CCDC171: variants seen among roughly 807,000 people sequenced by gnomAD.
CCDC171 encodes the protein coiled-coil domain containing 171.
Under a neutral mutation model 168.2 loss-of-function variants are expected in CCDC171, and 177 were observed. The observed-to-expected ratio is 1.05, with a 90% CI of 0.93 to 1.19. The LOEUF is 1.19. Among genes scored for constraint, CCDC171 ranks in the 50% most tolerant of loss-of-function variants. The pLI, the probability that CCDC171 is intolerant of heterozygous loss-of-function variation, is 0.00. For missense variants in CCDC171, 1,991 were observed against 1,539.0 expected, an observed-to-expected ratio of 1.29 and a Z score of -4.91; for synonymous variants, 687 against 540.8, an observed-to-expected ratio of 1.27 and a Z score of -3.75.
intron 7 of CCDC171, among the ~76,000 whole-genome samples, chr9:15,634,731 C>G (rs761306967): frequency 1.3e-5 from 2 of 152,176 alleles, no homozygotes; most frequent in East Asian, 1.9e-4. Context: ...CATTGTGCAA[C>G]CATTACTATA....
chr9:15,908,127 C>G (rs1237041829), intron 24 of CCDC171, among the ~76,000 whole-genome samples: 1 of 151,494 alleles, frequency 6.6e-6, no homozygotes, highest in Non-Finnish European at 1.5e-5. Context: ...ACTAGAAATA[C>G]CATTTGACCC....
chr9:15,974,257 T>G (rs1031436728), downstream of CCDC171, among the ~76,000 whole-genome samples: 1 of 151,996 alleles, frequency 6.6e-6, no homozygotes, highest in Non-Finnish European at 1.5e-5. Context: ...TTCCCAGAAG[T>G]CAGACCCAGC....
At chr9:15,564,381 C>G (rs906657662) in intron 2 of CCDC171, among the ~76,000 whole-genome samples, 2 of 152,230 alleles carry the variant, frequency 1.3e-5, no homozygotes, top group Non-Finnish European at 2.9e-5. Flanking sequence ...TGTCCTGTTA[C>G]TAGAGACTTG....
intron 3 of CCDC171, among the ~76,000 whole-genome samples, chr9:15,992,804 A>C (rs1275054156): frequency 6.6e-6 from 1 of 152,204 alleles, no homozygotes; most frequent in Non-Finnish European, 1.5e-5. Context: ...CCAATAACGG[A>C]CAAACAGAGA....
At chr9:15,651,079 T>A (rs1442095006) in intron 7 of CCDC171, among the ~76,000 whole-genome samples, 1 of 151,952 alleles carries the variant, frequency 6.6e-6, no homozygotes, top group Non-Finnish European at 1.5e-5. Context: ...TCCTTGAGAT[T>A]AACTTTTTTT....
rs974429370 is a variant in CCDC171, at chr9:15,917,143, A to G, written c.3601-3127A>G. Among the ~76,000 whole-genome samples, 4 of 152,018 alleles carry G rather than the reference A, an allele frequency of 2.6e-5. No homozygotes were observed. The East Asian group carries it at 7.7e-4, about 29-fold the overall frequency. Reference sequence around the variant, plus strand: ...TTAAGGAGTTGAATTTTTCATTGGTATGCTTTACTGTATAGTTTGAATCAC... The same window carrying G: ...TTAAGGAGTTGAATTTTTCATTGGTGTGCTTTACTGTATAGTTTGAATCAC... On this transcript the variant is annotated intron_variant, in intron 24 of 25. Coordinates refer to ENST00000380701, the MANE Select transcript of CCDC171 (RefSeq NM_173550.4).
intron 9 of CCDC171, among the ~76,000 whole-genome samples, chr9:15,677,393 C>G (rs117599144): frequency 0.016 from 2,392 of 152,114 alleles, 43 homozygotes; most frequent in Non-Finnish European, 0.024. Context: ...TGTTCCACCC[C>G]AGAGAAAATA....
At chr9:15,856,991 G>A (rs1455871334) in intron 23 of CCDC171, among the ~76,000 whole-genome samples, 1 of 151,896 alleles carries the variant, frequency 6.6e-6, no homozygotes, top group African/African-American at 2.4e-5. Context: ...ATACCTGTTT[G>A]ACCATTTGTA....
Position 16,009,202 on chromosome 9 carries a change from A to G in CCDC171, n.369-11387A>G, listed in dbSNP as rs557693343. Among the ~76,000 whole-genome samples the G allele has an allele frequency of 1.1e-4, 17 of 152,286 alleles. No homozygotes were observed. The South Asian group carries it at 2.7e-3, about 24-fold the overall frequency. ...TACTTTGTAGAACTAAGAAGCTCAC[A>G]AAAATGTCCTTTCAAACTAGAGTGG... is the stretch of plus-strand genomic sequence containing the variant. On this transcript the variant is annotated intron_variant and non_coding_transcript_variant, in intron 3 of 9. Transcript: ENST00000486641.
chr9:16,054,197 A>G (rs1833797019), intron 1 of CCDC171, among the ~76,000 whole-genome samples: 1 of 152,158 alleles, frequency 6.6e-6, no homozygotes, highest in African/African-American at 2.4e-5. Flanking sequence ...GAGCGAAGGG[A>G]GTTGCCCATT....
chr9:16,048,960 A>C (rs868285462), intron 1 of CCDC171, among the ~76,000 whole-genome samples: 1 of 151,704 alleles, frequency 6.6e-6, no homozygotes. Context: ...AAAAAAAAAA[A>C]AAACCCAAAC....
intron 3 of CCDC171, among the ~76,000 whole-genome samples, chr9:15,995,007 A>T (rs1036750446): frequency 6.6e-6 from 1 of 152,212 alleles, no homozygotes; most frequent in Non-Finnish European, 1.5e-5. Context: ...TGTGCCAGGC[A>T]TGCCCAGCTG....
At chr9:15,759,402 C>G (rs1056939507) in intron 18 of CCDC171, among the ~76,000 whole-genome samples, 1 of 151,994 alleles carries the variant, frequency 6.6e-6, no homozygotes, top group Non-Finnish European at 1.5e-5. Context: ...CCTGTATAAC[C>G]AGAATGCAAC....
At chr9:15,765,216 G>C (rs538493556) in intron 18 of CCDC171, among the ~76,000 whole-genome samples, 1 of 152,256 alleles carries the variant, frequency 6.6e-6, no homozygotes, top group East Asian at 1.9e-4. Context: ...GAGAAAGTGA[G>C]TTCTGTTAAA....
At chr9:15,954,763 TG>T (rs1345118347) in intron 25 of CCDC171, among the ~76,000 whole-genome samples, 1 of 152,028 alleles carries the variant, frequency 6.6e-6, no homozygotes, top group Non-Finnish European at 1.5e-5. Flanking sequence ...TTTCTTTTTT[TG>T]TTGTTGTTTG....
intron 3 of CCDC171, among the ~76,000 whole-genome samples, chr9:16,020,288 T>C (rs1442849279): frequency 1.3e-5 from 2 of 152,228 alleles, no homozygotes; most frequent in African/African-American, 4.8e-5. Flanking sequence ...ACTTGGGTCC[T>C]ATCCCCAAGA....
chr9:15,774,743 G>A (rs1395047302), intron 18 of CCDC171, among the ~76,000 whole-genome samples: 3 of 152,192 alleles, frequency 2.0e-5, no homozygotes, highest in African/African-American at 7.2e-5. Flanking sequence ...AAGAAAATTG[G>A]TATCTATATA....
intron 24 of CCDC171, among the ~76,000 whole-genome samples, chr9:15,913,230 T>A (rs989905964): frequency 1.3e-5 from 2 of 152,222 alleles, no homozygotes; most frequent in Non-Finnish European, 2.9e-5. Context: ...TATTCAGGGA[T>A]TCGACTTCTT....
chr9:15,595,281 A>C (rs1461683523), intron 6 of CCDC171, among the ~76,000 whole-genome samples: 1 of 152,088 alleles, frequency 6.6e-6, no homozygotes, highest in Non-Finnish European at 1.5e-5. Flanking sequence ...TATATATCCT[A>C]ATGCTATCCC....
Sources: gnomAD v4.1 joint callset for allele counts (sites outside exome capture counted in the v4.1 genomes callset) on GRCh38, gnomAD v4.1.1 for gene constraint, MANE v1.5 for transcripts, NCBI Gene and HGNC (gene_info 2026-07-23, HGNC 2026-07-21) for gene names.